Variants in PTPRD observed in about 807,000 individuals in gnomAD.
PTPRD encodes the protein receptor-type tyrosine-protein phosphatase delta.
In PTPRD, 34 loss-of-function variants were observed where a neutral mutation model predicts 214.5. That is an observed-to-expected ratio of 0.16 (90% CI 0.12 to 0.21). The LOEUF is 0.21. PTPRD is among the 10% of genes least tolerant of loss of function. The pLI is 1.00. For missense variants in PTPRD, 2,545 were observed against 2,398.7 expected, an observed-to-expected ratio of 1.06 and a Z score of -1.27; for synonymous variants, 1,128 against 845.7, an observed-to-expected ratio of 1.33 and a Z score of -5.79.
intron 23 of PTPRD, among the ~76,000 whole-genome samples, chr9:8,502,833 T>C (rs1383853762): frequency 7.2e-6 from 1 of 137,984 alleles, no homozygotes; most frequent in East Asian, 2.2e-4. Flanking sequence ...GTCTATTCAA[T>C]ATGTATGTGT....
chr9:10,493,520 T>C (rs893184203), intron 2 of PTPRD, among the ~76,000 whole-genome samples: 2 of 151,996 alleles, frequency 1.3e-5, no homozygotes, highest in Non-Finnish European at 2.9e-5. Flanking sequence ...ATGTAATAAA[T>C]GGTGTTGGGA....
chr9:8,743,126 C>A (rs538601913), intron 11 of PTPRD, among the ~76,000 whole-genome samples: 30 of 140,860 alleles, frequency 2.1e-4, no homozygotes, highest in Non-Finnish European at 4.1e-4. Flanking sequence ...GGGGGGGGGA[C>A]TTTTAAGACA....
At chr9:9,747,990 G>C (rs1218101447) in intron 6 of PTPRD, among the ~76,000 whole-genome samples, 1 of 152,164 alleles carries the variant, frequency 6.6e-6, no homozygotes, top group African/African-American at 2.4e-5. Flanking sequence ...TTAAGCTTAT[G>C]ACAGAAGAAT....
At chr9:9,832,883 T>A (rs1216679212) in intron 5 of PTPRD, among the ~76,000 whole-genome samples, 1 of 144,976 alleles carries the variant, frequency 6.9e-6, no homozygotes, top group Non-Finnish European at 1.5e-5. Context: ...ATGGGAAGCT[T>A]TTTTTCTATG....
rs191256558 is a variant in PTPRD, at chr9:10,141,590, C to T, written c.-544-107800G>A. ...AGGAGAACTACAAACCACTGCTCAA[C>T]GAAATAAAAGAGGATACAAACAAAT... On this transcript the variant is annotated intron_variant, in intron 3 of 45. Coordinates refer to ENST00000381196, the MANE Select transcript of PTPRD (RefSeq NM_002839.4). Among the ~76,000 whole-genome samples the T allele has an allele frequency of 1.2e-4, 18 of 151,834 alleles. 1 individual carries two copies. The South Asian group carries it at 2.5e-3, about 21-fold the overall frequency.
At position 9,484,209 on chromosome 9, in the gene PTPRD, C is replaced by A. The variant is rs544251241; in HGVS notation, c.-236-86727G>T. 4.1e-5 allele frequency among the ~76,000 whole-genome samples: 6 copies of A among 147,274 alleles called. No homozygotes were observed. In the South Asian group the frequency reaches 1.1e-3, roughly 26 times the overall value. On this transcript the variant is annotated intron_variant, in intron 8 of 45. Coordinates refer to ENST00000381196, the MANE Select transcript of PTPRD (RefSeq NM_002839.4). ...TTGTATATAATAGAATACTATACAG[C>A]AAAAAAAAAATAACAAATGAAACCT...
chr9:10,579,996 T>C (rs995604610), intron 2 of PTPRD, among the ~76,000 whole-genome samples: 4 of 152,172 alleles, frequency 2.6e-5, no homozygotes, highest in African/African-American at 4.8e-5. Context: ...TTATAAATTC[T>C]AGATATTAGT....
intron 14 of PTPRD, among the ~76,000 whole-genome samples, chr9:8,603,257 C>G (rs1346066311): frequency 7.3e-6 from 1 of 136,482 alleles, no homozygotes. Flanking sequence ...AGCTGGGGAA[C>G]TACAAGGCAA....
At chr9:8,480,346 C>G (rs2096854734) in intron 30 of PTPRD, among the ~76,000 whole-genome samples, 1 of 152,178 alleles carries the variant, frequency 6.6e-6, no homozygotes, top group African/African-American at 2.4e-5. Context: ...CCTCATTTGT[C>G]ACTTTCTCTA....
intron 11 of PTPRD, among the ~76,000 whole-genome samples, chr9:8,821,942 C>T (rs926775078): frequency 6.6e-6 from 1 of 152,178 alleles, no homozygotes; most frequent in African/African-American, 2.4e-5. Flanking sequence ...GGATTACAGG[C>T]GTGAGCCACC....
At chr9:9,708,270 T>C (rs565716750) in intron 7 of PTPRD, among the ~76,000 whole-genome samples, 1 of 152,248 alleles carries the variant, frequency 6.6e-6, no homozygotes, top group South Asian at 2.1e-4. Flanking sequence ...ATGTGTTTAC[T>C]CTTTCTCTCT....
chr9:8,518,580 C>A, intron 20 of PTPRD, 151 bp from the exon 21 acceptor site: 1 of 609,778 alleles, frequency 1.6e-6, no homozygotes, highest in Non-Finnish European at 2.7e-6. Flanking sequence ...TTCTGAATGG[C>A]CAAGAAGGAC....
chr9:8,856,624 A>G (rs2097920525), intron 11 of PTPRD, among the ~76,000 whole-genome samples: 1 of 152,144 alleles, frequency 6.6e-6, no homozygotes, highest in South Asian at 2.1e-4. Flanking sequence ...CAAACTGTAG[A>G]TGAGGCTGGG....
intron 3 of PTPRD, among the ~76,000 whole-genome samples, chr9:10,325,848 C>T (rs2096633645): frequency 6.6e-6 from 1 of 151,666 alleles, no homozygotes; most frequent in African/African-American, 2.4e-5. Flanking sequence ...TGTATAGTAA[C>T]AATTTTGTAA....
chr9:8,941,596 A>T (rs1211273249), intron 11 of PTPRD, among the ~76,000 whole-genome samples: 1 of 152,124 alleles, frequency 6.6e-6, no homozygotes, highest in Non-Finnish European at 1.5e-5. Flanking sequence ...TGGAGTTTAA[A>T]TATGCACATG....
At chr9:10,095,773 T>G (rs747369750) in intron 3 of PTPRD, among the ~76,000 whole-genome samples, 8 of 151,576 alleles carry the variant, frequency 5.3e-5, no homozygotes, top group Non-Finnish European at 1.0e-4. Context: ...CCAAAATGCA[T>G]CCTACTTCAT....
chr9:10,479,465 C>T (rs79592404), intron 2 of PTPRD, among the ~76,000 whole-genome samples: 1 of 151,844 alleles, frequency 6.6e-6, no homozygotes, highest in Non-Finnish European at 1.5e-5. Flanking sequence ...GTACTCTAAC[C>T]CGGCACGACT....
At chr9:9,643,368 A>G (rs1020809029) in intron 7 of PTPRD, among the ~76,000 whole-genome samples, 6 of 152,290 alleles carry the variant, frequency 3.9e-5, no homozygotes, top group Non-Finnish European at 8.8e-5. Context: ...TTAAAAAAAG[A>G]ACATAGGGCC....
At chr9:10,030,230 G>A (rs1265831457) in intron 4 of PTPRD, among the ~76,000 whole-genome samples, 1 of 152,148 alleles carries the variant, frequency 6.6e-6, no homozygotes, top group Admixed American at 6.5e-5. Flanking sequence ...GGTTTTTCGA[G>A]TTAAATGATA....
Sources: allele counts gnomAD v4.1 joint callset (sites outside exome capture counted in the v4.1 genomes callset), GRCh38; gene constraint gnomAD v4.1.1; transcripts MANE v1.5; gene names NCBI Gene and HGNC (gene_info 2026-07-23, HGNC 2026-07-21).